Variants in NSMCE2 observed in about 807,000 individuals in gnomAD.
NSMCE2 encodes the protein E3 SUMO-protein ligase NSE2.
Under a neutral mutation model 23.8 loss-of-function variants are expected in NSMCE2, and 24 were observed. That is an observed-to-expected ratio of 1.01 (90% CI 0.73 to 1.42). The LOEUF (loss-of-function observed/expected upper bound fraction) is 1.42, where lower values mean the gene tolerates loss of function less well. Ranked by LOEUF, NSMCE2 falls within the 40% of genes most tolerant of loss-of-function variation. The pLI, the probability that NSMCE2 is intolerant of heterozygous loss-of-function variation, is 0.00. For missense variants in NSMCE2, 284 were observed against 296.5 expected (o/e 0.96, Z 0.31); for synonymous variants, 92 against 94.1 (o/e 0.98, Z 0.13).
At chr8:125,341,342 G>A (rs7844497) in intron 5 of NSMCE2, among the ~76,000 whole-genome samples, 120,453 of 152,108 alleles carry the variant, frequency 0.79, 47,868 homozygotes, top group African/African-American at 0.84. Context: ...TTCCTGTAGA[G>A]TTCATAAAGC....
intron 5 of NSMCE2, among the ~76,000 whole-genome samples, chr8:125,208,232 G>A (rs571166486): frequency 6.6e-6 from 1 of 152,168 alleles, no homozygotes; most frequent in Non-Finnish European, 1.5e-5. Context: ...TCTGTTTGAT[G>A]AAAGACATGT....
chr8:125,286,604 C>T (rs891244966), intron 5 of NSMCE2, among the ~76,000 whole-genome samples: 8 of 152,114 alleles, frequency 5.3e-5, no homozygotes, highest in African/African-American at 1.7e-4. Flanking sequence ...TGAGCCACTG[C>T]GCCCGGCCCA....
At chr8:125,238,614 T>G (rs1825649822) in intron 5 of NSMCE2, among the ~76,000 whole-genome samples, 1 of 152,192 alleles carries the variant, frequency 6.6e-6, no homozygotes, top group Non-Finnish European at 1.5e-5. Flanking sequence ...TCCCACCAGC[T>G]TCCAGCCAGA....
chr8:125,277,842 C>T (rs1349127475), intron 5 of NSMCE2, among the ~76,000 whole-genome samples: 1 of 151,864 alleles, frequency 6.6e-6, no homozygotes, highest in African/African-American at 2.4e-5. Context: ...TTAAATTTAG[C>T]AGTCATTACT....
intron 3 of NSMCE2, among the ~76,000 whole-genome samples, chr8:125,130,774 C>T (rs189201214): frequency 1.6e-3 from 246 of 152,312 alleles, no homozygotes; most frequent in African/African-American, 4.9e-3. Context: ...TTATCTTCAA[C>T]GCTAATCTAG....
intron 5 of NSMCE2, among the ~76,000 whole-genome samples, chr8:125,296,242 A>G (rs10481153): frequency 0.031 from 4,763 of 152,206 alleles, 220 homozygotes; most frequent in African/African-American, 0.11. Context: ...TTAACTCCCA[A>G]CACTCACTTC....
intron 5 of NSMCE2, among the ~76,000 whole-genome samples, chr8:125,340,012 G>GTTTTTTTTTTTTTTTTTTTTTTTTTTTT (rs752038710): frequency 9.7e-6 from 1 of 102,828 alleles, no homozygotes; most frequent in African/African-American, 3.7e-5. Flanking sequence ...GTTTTTTTTT[G>GTTTTTTTTTTTTTTTTTTTTTTTTTTTT]TTTTTTTTTT....
At chr8:125,151,349 A>G in intron 4 of NSMCE2, 72 bp downstream of exon 4, 1 of 725,854 alleles carries the variant, frequency 1.4e-6, no homozygotes, top group Non-Finnish European at 2.4e-6. Flanking sequence ...ACACAAAATC[A>G]AAATTCTTCT....
intron 7 of NSMCE2, among the ~76,000 whole-genome samples, chr8:125,365,339 A>G (rs1468826743): frequency 6.6e-6 from 1 of 152,104 alleles, no homozygotes; most frequent in East Asian, 1.9e-4. Flanking sequence ...TATAGGTTCT[A>G]TGGTCAAGCA....
At chr8:125,307,032 T>C (rs1828791449) in intron 5 of NSMCE2, among the ~76,000 whole-genome samples, 1 of 152,214 alleles carries the variant, frequency 6.6e-6, no homozygotes, top group African/African-American at 2.4e-5. Context: ...AACAGTGTGT[T>C]AAAATGGGAG....
chr8:125,183,634 G>GGTGTGTGTGTGTGTGTGTGTGTGT (rs59285361), intron 5 of NSMCE2, among the ~76,000 whole-genome samples: 77 of 147,580 alleles, frequency 5.2e-4, no homozygotes, highest in African/African-American at 1.8e-3. Context: ...ATTACTCAGT[G>GGTGTGTGTGTGTGTGTGTGTGTGT]GTGTGTGTGT....
chr8:125,300,700 A>T (rs1238643700), intron 5 of NSMCE2, among the ~76,000 whole-genome samples: 1 of 152,130 alleles, frequency 6.6e-6, no homozygotes. Context: ...AAAGTTCAGC[A>T]AGTGTATTAT....
chr8:125,317,085 C>T (rs992218165), intron 5 of NSMCE2, among the ~76,000 whole-genome samples: 10 of 151,082 alleles, frequency 6.6e-5, no homozygotes, highest in Admixed American at 1.3e-4. Flanking sequence ...CCACTCCTGG[C>T]CTATTGTTTC....
intron 4 of NSMCE2, among the ~76,000 whole-genome samples, chr8:125,179,793 C>CACTCCCT (rs139662387): frequency 0.022 from 3,281 of 152,300 alleles, 126 homozygotes; most frequent in African/African-American, 0.075. Context: ...TCACTGCCCC[C>CACTCCCT]ACTCAGTCTT....
intron 3 of NSMCE2, among the ~76,000 whole-genome samples, chr8:125,129,544 C>CTGTGTGTG (rs10578122): frequency 0.022 from 3,160 of 145,438 alleles, 71 homozygotes; most frequent in African/African-American, 0.059. Flanking sequence ...AGATTTGGCT[C>CTGTGTGTG]TGTGTGTGTG....
At chr8:125,107,003 A>C (rs560386511) in intron 3 of NSMCE2, among the ~76,000 whole-genome samples, 99 of 152,052 alleles carry the variant, frequency 6.5e-4, no homozygotes, top group African/African-American at 1.6e-3. Flanking sequence ...CTCAAAAAAA[A>C]AACAACAAAA....
chr8:125,128,310 T>C (rs1819604715), intron 3 of NSMCE2, among the ~76,000 whole-genome samples: 1 of 152,194 alleles, frequency 6.6e-6, no homozygotes, highest in South Asian at 2.1e-4. Flanking sequence ...GAGGTTGTTG[T>C]AGTAGTTCCC....
chr8:125,244,371 T>C (rs1238116722), intron 5 of NSMCE2, among the ~76,000 whole-genome samples: 1 of 152,040 alleles, frequency 6.6e-6, no homozygotes, highest in Non-Finnish European at 1.5e-5. Context: ...TTAATCAATA[T>C]GGCTAAGGGG....
At chr8:125,252,247 G>A (rs1034073641) in intron 5 of NSMCE2, among the ~76,000 whole-genome samples, 7 of 152,182 alleles carry the variant, frequency 4.6e-5, no homozygotes, top group African/African-American at 9.7e-5. Context: ...CACCCCTACC[G>A]GCCGGGCACA....
Sources: allele counts gnomAD v4.1 joint callset (sites outside exome capture counted in the v4.1 genomes callset), GRCh38; gene constraint gnomAD v4.1.1; transcripts MANE v1.5; gene names NCBI Gene and HGNC (gene_info 2026-07-23, HGNC 2026-07-21).